The following DUSP11 variants were observed in gnomAD, a reference collection of about 807,000 sequenced individuals.
DUSP11 encodes RNA/RNP complex-1-interacting phosphatase.
Under a neutral mutation model 41.4 loss-of-function variants are expected in DUSP11, and 27 were observed. The ratio of observed to expected loss-of-function variants is 0.65; its 90% CI spans 0.48 to 0.90. The LOEUF (loss-of-function observed/expected upper bound fraction) is 0.90, where lower values mean the gene tolerates loss of function less well. Ranked by LOEUF, DUSP11 falls within the 40% of genes least tolerant of loss-of-function variation. The probability of loss-of-function intolerance (pLI) is 0.00; values close to 1 mark genes in which losing one functional copy is unlikely to be tolerated. For synonymous variants in DUSP11, 188 were observed against 159.3 expected, an observed-to-expected ratio of 1.18 and a Z score of -1.35; for missense variants, 465 against 461.1, an observed-to-expected ratio of 1.01 and a Z score of -0.08.
In DUSP11 at chr2:73,769,420, T is replaced by C. The variant is rs1360170153; in HGVS notation, c.575-95A>G. The C allele has an allele frequency of 1.1e-5, 10 of 946,474 alleles. No homozygotes were observed. In the Admixed American group the frequency reaches 2.1e-4, roughly 20 times the overall value. 58.6% of individuals were successfully genotyped at this position (946,474 alleles called of 1,614,324 possible). On this transcript the variant is annotated intron_variant, in intron 4 of 8. Coordinates refer to ENST00000272444, the Ensembl canonical transcript of DUSP11. ...GAAAATGAATAACTCTTAAGAGGAATTGTTTTTTCTAGGAACATACTATAA... is the reference window on the plus strand; with the variant it reads ...GAAAATGAATAACTCTTAAGAGGAACTGTTTTTTCTAGGAACATACTATAA...
At chr2:73,768,541 T>C in intron 5 of DUSP11, 1 of 985,436 alleles carries the variant, frequency 1.0e-6, no homozygotes. Flanking sequence ...CCTCCGGGGC[T>C]ATGAGATATG....
chr2:73,775,001 A>G, exon 3 of DUSP11: 1 of 1,612,828 alleles, frequency 6.2e-7, no homozygotes, highest in Non-Finnish European at 8.5e-7. Context: ...AAAAAGATCC[A>G]AAGGGGAAAA....
At chr2:73,778,977 A>C (rs1672738397) in intron 1 of DUSP11, among the ~76,000 whole-genome samples, 2 of 151,982 alleles carry the variant, frequency 1.3e-5, no homozygotes, top group Admixed American at 1.3e-4. Context: ...GTGAAACCCC[A>C]TCTCTACTAA....
chr2:73,773,728 A>AT, intron 4 of DUSP11, 72 bp downstream of exon 4: 1 of 1,468,220 alleles, frequency 6.8e-7, no homozygotes, highest in Non-Finnish European at 9.2e-7. Context: ...GGTTGGAACT[A>AT]TAAAAAAATA....
intron 4 of DUSP11, among the ~76,000 whole-genome samples, chr2:73,770,807 C>A (rs1558533769): frequency 6.6e-6 from 1 of 152,250 alleles, no homozygotes; most frequent in South Asian, 2.1e-4. Context: ...CTGATATGAT[C>A]CACCTCCCTT....
At chr2:73,766,452 G>A in exon 8 of DUSP11, 1 of 1,613,424 alleles carries the variant, frequency 6.2e-7, no homozygotes, top group Non-Finnish European at 8.5e-7. Flanking sequence ...GTCTGGGTGT[G>A]GAAATGTCGA....
At chr2:73,777,731 G>T (rs1332677306) in intron 2 of DUSP11, among the ~76,000 whole-genome samples, 1 of 152,148 alleles carries the variant, frequency 6.6e-6, no homozygotes, top group East Asian at 1.9e-4. Flanking sequence ...ATGGCTTTTG[G>T]ATGTCCTATT....
exon 9 of DUSP11, chr2:73,762,631 C>A: frequency 6.4e-7 from 1 of 1,564,252 alleles, no homozygotes. Flanking sequence ...CAGCTCTGGT[C>A]TCCAGGTAGA....
chr2:73,773,959 C>G, intron 3 of DUSP11, 36 bp from the exon 4 acceptor site: 1 of 1,505,214 alleles, frequency 6.6e-7, no homozygotes, highest in South Asian at 1.3e-5. Context: ...TGTATTATTT[C>G]ACTTGTAGAG....
chr2:73,780,134 A>G (rs762225138), exon 1 of DUSP11: 53 of 1,552,642 alleles, frequency 3.4e-5, no homozygotes, highest in Admixed American at 2.0e-5. Context: ...GCCGGTCGTG[A>G]TGGCGTAGCC....
intron 5 of DUSP11, chr2:73,768,719 G>A: frequency 2.2e-6 from 2 of 914,568 alleles, no homozygotes; most frequent in Non-Finnish European, 2.6e-6. Context: ...CACTTTGGGA[G>A]GCCGAGGCGG....
chr2:73,769,010 T>C, intron 5 of DUSP11: 1 of 359,284 alleles, frequency 2.8e-6, no homozygotes, highest in Non-Finnish European at 4.9e-6. Context: ...AAGAAAGATG[T>C]CTATCACATA....
Position 73,767,091 on chromosome 2 carries a change from G to T in DUSP11, c.682+70C>A, listed in dbSNP as rs557803282. ...ACAAACTTCTTTTTTTCCAAAATTT[G>T]ATAAATTCTTCTACATTTCCACCTT... On this transcript the variant is annotated intron_variant, in intron 6 of 8. Transcript: ENST00000272444. 66 of 1,477,132 alleles carry T rather than the reference G, an allele frequency of 4.5e-5. No individual in the cohort carries two copies. The African/African-American group carries it at 8.4e-4, about 19-fold the overall frequency. The allele number at this position is 1,477,132 out of a possible 1,614,324, so 91.5% of individuals were successfully genotyped here.
At chr2:73,767,025 A>G in intron 6 of DUSP11, 122 bp from the exon 7 acceptor site, 1 of 1,227,110 alleles carries the variant, frequency 8.1e-7, no homozygotes, top group Non-Finnish European at 1.2e-6. Flanking sequence ...ATACATCTAT[A>G]GACTTTTGGC....
At chr2:73,770,687 A>C (rs532198883) in intron 4 of DUSP11, among the ~76,000 whole-genome samples, 2 of 152,274 alleles carry the variant, frequency 1.3e-5, no homozygotes, top group East Asian at 3.9e-4. Flanking sequence ...AATTTAGCAT[A>C]GCATGAAGCC....
intron 5 of DUSP11, chr2:73,767,949 T>G (rs1672502332): frequency 6.6e-6 from 1 of 152,306 alleles, no homozygotes; most frequent in Admixed American, 6.5e-5. Context: ...AATGGTTTTC[T>G]ATTGCTCTTA....
intron 8 of DUSP11, 102 bp from the exon 9 acceptor site, chr2:73,762,961 T>C: frequency 2.0e-6 from 1 of 489,048 alleles, no homozygotes; most frequent in Non-Finnish European, 3.0e-6. Flanking sequence ...AATTTATAAA[T>C]TTACAAAATA....
At chr2:73,768,623 T>C in intron 5 of DUSP11, 3 of 985,426 alleles carry the variant, frequency 3.0e-6, no homozygotes, top group Non-Finnish European at 1.2e-6. Flanking sequence ...CTGACTTTTG[T>C]GTTCATCGGT....
chr2:73,773,913 T>G, exon 4 of DUSP11: 1 of 1,599,388 alleles, frequency 6.3e-7, no homozygotes, highest in African/African-American at 1.3e-5. Flanking sequence ...AGGAACAGTT[T>G]CTGGCAAATC....
Sources: gnomAD v4.1 joint callset for allele counts (sites outside exome capture counted in the v4.1 genomes callset) on GRCh38, gnomAD v4.1.1 for gene constraint, MANE v1.5 for transcripts, NCBI Gene and HGNC (gene_info 2026-07-23, HGNC 2026-07-21) for gene names.